HIVEP3: variants seen among roughly 807,000 people sequenced by gnomAD.
HIVEP3 encodes HIVEP zinc finger 3.
In HIVEP3, 49 loss-of-function variants were observed where a neutral mutation model predicts 152.8. That is an observed-to-expected ratio of 0.32 (90% CI 0.26 to 0.41). The LOEUF is 0.41. Ranked by LOEUF, HIVEP3 falls within the 10% of genes least tolerant of loss-of-function variation. The pLI is 1.00. For missense variants in HIVEP3, 2,790 were observed against 3,103.3 expected, an observed-to-expected ratio of 0.90 and a Z score of 2.40; for synonymous variants, 1,269 against 1,289.0, an observed-to-expected ratio of 0.98 and a Z score of 0.33.
At chr1:41,553,181 C>T (rs1397675781) in intron 5 of HIVEP3, among the ~76,000 whole-genome samples, 1 of 152,130 alleles carries the variant, frequency 6.6e-6, no homozygotes, top group Non-Finnish European at 1.5e-5. Context: ...TCTGGTTGCT[C>T]CTGTATTGGG....
chr1:41,565,759 C>G (rs772472310), intron 5 of HIVEP3, among the ~76,000 whole-genome samples: 4 of 152,150 alleles, frequency 2.6e-5, no homozygotes, highest in African/African-American at 4.8e-5. Flanking sequence ...AGGGGACTAC[C>G]AGGGGCTGCC....
chr1:42,031,977 A>C (rs1201335764), intron 1 of HIVEP3, among the ~76,000 whole-genome samples: 1 of 152,188 alleles, frequency 6.6e-6, no homozygotes, highest in Non-Finnish European at 1.5e-5. Context: ...GCCCTCTTTG[A>C]ACGCCACATA....
intron 1 of HIVEP3, among the ~76,000 whole-genome samples, chr1:41,705,036 T>C (rs557475114): frequency 4.7e-4 from 71 of 152,250 alleles, no homozygotes; most frequent in Non-Finnish European, 8.7e-4. Context: ...AGTCCTTCTA[T>C]GTGCCCAGGC....
chr1:42,031,776 T>G lies in HIVEP3; in HGVS notation n.119+4031A>C, dbSNP rs1645614825. ...ACACAATATCTTCCAACTTATAAAT[T>G]TGTAAATATAAATACTTTGTAAATG... On this transcript the variant is annotated intron_variant and non_coding_transcript_variant, in intron 1 of 3. Transcript: ENST00000489103. 2.0e-5 allele frequency among the ~76,000 whole-genome samples: 3 copies of G among 152,124 alleles called. No homozygotes were observed. In the South Asian group the frequency reaches 6.2e-4, roughly 32 times the overall value.
rs181857356 is a variant in HIVEP3, at chr1:41,568,028, T to C, written c.5207+7516A>G. On this transcript the variant is annotated intron_variant, in intron 5 of 8. Coordinates refer to ENST00000372583, the MANE Select transcript of HIVEP3 (RefSeq NM_024503.5). ...AAGGTCTCAGTCAATCCTGAGCACA[T>C]TGGAGGAAGATTCCTTCATTTAATA... Among the ~76,000 whole-genome samples the C allele has an allele frequency of 2.5e-3, 379 of 152,320 alleles. 1 individual carries two copies. The Middle Eastern group carries it at 0.041, about 16-fold the overall frequency.
chr1:41,991,731 T>C (rs1282872580), intron 1 of HIVEP3, among the ~76,000 whole-genome samples: 1 of 150,572 alleles, frequency 6.6e-6, no homozygotes, highest in Non-Finnish European at 1.5e-5. Flanking sequence ...TTGATGAACA[T>C]TGATGCAAAA....
chr1:41,819,844 T>A lies in HIVEP3; in HGVS notation c.-801+98569A>T, dbSNP rs943306245. On this transcript the variant is annotated intron_variant, in intron 1 of 8. Transcript: ENST00000372583. ...GAAAAGTATATGTACTCTTTAAAAA[T>A]TGTTAAGAGTCAGGATTTTATATAA... 5.9e-5 allele frequency among the ~76,000 whole-genome samples: 9 copies of A among 152,168 alleles called. No homozygotes were observed. The South Asian group carries it at 1.7e-3, about 28-fold the overall frequency.
chr1:41,799,799 T>TC (rs1425441163), intron 1 of HIVEP3, among the ~76,000 whole-genome samples: 2 of 151,738 alleles, frequency 1.3e-5, no homozygotes, highest in African/African-American at 2.4e-5. Flanking sequence ...CACCCCCCCT[T>TC]CCCCCCAACC....
intron 1 of HIVEP3, among the ~76,000 whole-genome samples, chr1:41,994,210 C>A (rs535122127): frequency 1.4e-3 from 211 of 149,830 alleles, no homozygotes; most frequent in Non-Finnish European, 2.6e-3. Flanking sequence ...AGCATGTTAT[C>A]TTAGGCCTCA....
intron 2 of HIVEP3, among the ~76,000 whole-genome samples, chr1:41,631,021 T>C (rs1057276202): frequency 6.6e-6 from 1 of 151,952 alleles, no homozygotes; most frequent in Non-Finnish European, 1.5e-5. Context: ...CACAAATGAG[T>C]ATTGGTTTTT....
chr1:41,770,054 T>G (rs1001345265), intron 1 of HIVEP3, among the ~76,000 whole-genome samples: 4 of 152,196 alleles, frequency 2.6e-5, no homozygotes, highest in Non-Finnish European at 5.9e-5. Context: ...CTGCAAGCTC[T>G]GCCTCCCGGG....
At chr1:41,729,935 A>T (rs1646813344) in intron 1 of HIVEP3, among the ~76,000 whole-genome samples, 1 of 152,186 alleles carries the variant, frequency 6.6e-6, no homozygotes, top group Non-Finnish European at 1.5e-5. Context: ...GGGAGACAGG[A>T]AGGGAGGCAC....
Position 41,942,654 on chromosome 1 carries a change from G to A in HIVEP3, n.120-24130C>T, listed in dbSNP as rs112294237. Among the ~76,000 whole-genome samples the A allele has an allele frequency of 8.3e-3, 1,258 of 152,208 alleles. 19 individuals are homozygous for A. Among genetic ancestry groups the A allele is most frequent in the African/African-American group, 0.029 (1,214 of 41,536 alleles). On this transcript the variant is annotated intron_variant and non_coding_transcript_variant, in intron 1 of 3. Coordinates refer to the HIVEP3 transcript ENST00000489103. The stretch of plus-strand genomic sequence containing the variant: ...AAATGATACATGCACAAAGCTATTT[G>A]TCAAAACACAATTTGTAATAGTAAA...
intron 2 of HIVEP3, among the ~76,000 whole-genome samples, chr1:41,650,077 T>C (rs1333108272): frequency 6.6e-6 from 1 of 152,018 alleles, no homozygotes; most frequent in Non-Finnish European, 1.5e-5. Context: ...CCTTGGAATG[T>C]GGTGGTGACA....
At chr1:41,631,970 G>A (rs550010108) in intron 2 of HIVEP3, among the ~76,000 whole-genome samples, 82 of 152,138 alleles carry the variant, frequency 5.4e-4, no homozygotes, top group African/African-American at 1.5e-3. Context: ...CTCTGCAATC[G>A]TGCCCACCTT....
chr1:41,631,363 C>T (rs16828509), intron 2 of HIVEP3, among the ~76,000 whole-genome samples: 5,812 of 152,194 alleles, frequency 0.038, 164 homozygotes, highest in East Asian at 0.098. Context: ...TTAATGAGTC[C>T]GTACATGGAA....
rs374686788 is a variant in HIVEP3 at position 41,584,234 on chromosome 1, C to T, written c.564G>A (p.Lys188=). The change falls in exon 4 of 9, where the codon AAG becomes AAA. Residue 188 remains lysine, a synonymous_variant. Transcript: ENST00000372583. The surrounding 1 kb of genome is among the most constrained non-coding windows in gnomAD (Gnocchi z 5.2). ...AGTACTGGCAGATGTACTTGCCTGG[C>T]TTCTGGGGCTTCCTCTCCTTCTTGT... ...EAHKKERKPQ[K]PGKYICQYCS... 6.2e-7 allele frequency: 1 copy of T among 1,613,862 alleles called. No homozygotes were observed. Among genetic ancestry groups the T allele is most frequent in the Non-Finnish European group, 8.5e-7 (1 of 1,179,834 alleles).
At chr1:41,606,181 ACAATTTTTGGTGGTTAC>A (rs1644820315) in intron 3 of HIVEP3, among the ~76,000 whole-genome samples, 1 of 151,736 alleles carries the variant, frequency 6.6e-6, no homozygotes, top group Non-Finnish European at 1.5e-5. Context: ...ACCCCATCTC[ACAATTTTTGGTGGTTAC>A]CAATTTTTGG....
intron 1 of HIVEP3, among the ~76,000 whole-genome samples, chr1:41,842,222 C>T (rs1347727424): frequency 6.6e-6 from 1 of 152,076 alleles, no homozygotes; most frequent in Non-Finnish European, 1.5e-5. Context: ...GCTCCAAGTG[C>T]CATAAAAACT....
Sources: gnomAD v4.1 joint callset for allele counts (sites outside exome capture counted in the v4.1 genomes callset) on GRCh38, gnomAD v4.1.1 for gene constraint, Gnocchi (gnomAD v3.1) non-coding constraint, MANE v1.5 for transcripts, NCBI Gene and HGNC (gene_info 2026-07-23, HGNC 2026-07-21) for gene names.